The following OPCML variants were observed in gnomAD, a reference collection of about 807,000 sequenced individuals.
OPCML encodes the protein opioid-binding protein/cell adhesion molecule.
A neutral mutation model predicts 37.8 loss-of-function variants in OPCML; 13 were observed. The ratio of observed to expected loss-of-function variants is 0.34; its 90% CI spans 0.22 to 0.55. OPCML has a LOEUF of 0.55. Among genes scored for constraint, OPCML ranks in the 20% least tolerant of loss-of-function variants. The pLI is 0.91. For synonymous variants in OPCML, 176 were observed against 168.8 expected, an observed-to-expected ratio of 1.04 and a Z score of -0.33; for missense variants, 341 against 435.6, an observed-to-expected ratio of 0.78 and a Z score of 1.93.
At chr11:132,628,150 T>G (rs891234500) in intron 3 of OPCML, among the ~76,000 whole-genome samples, 1 of 151,152 alleles carries the variant, frequency 6.6e-6, no homozygotes, top group African/African-American at 2.4e-5. Flanking sequence ...GCCAGGAAGG[T>G]GAGATGGGAG....
intron 1 of OPCML, among the ~76,000 whole-genome samples, chr11:133,232,617 GACACAGC>G (rs1940328299): frequency 6.6e-6 from 1 of 152,094 alleles, no homozygotes; most frequent in Non-Finnish European, 1.5e-5. Flanking sequence ...CCTGTTATGT[GACACAGC>G]ACATGCACAC....
intron 1 of OPCML, among the ~76,000 whole-genome samples, chr11:133,080,051 T>C (rs1027004097): frequency 6.6e-6 from 1 of 152,152 alleles, no homozygotes; most frequent in African/African-American, 2.4e-5. Flanking sequence ...AACAGAGCAA[T>C]GACCAGAGAA....
At chr11:132,841,943 G>A (rs1312558364) in intron 2 of OPCML, among the ~76,000 whole-genome samples, 1 of 144,106 alleles carries the variant, frequency 6.9e-6, no homozygotes, top group Non-Finnish European at 1.5e-5. Context: ...TATGGTCTTA[G>A]TTAGACCCAG....
chr11:133,478,832 A>ATTT (rs11409105), intron 1 of OPCML, among the ~76,000 whole-genome samples: 1 of 146,320 alleles, frequency 6.8e-6, no homozygotes, highest in African/African-American at 2.5e-5. Context: ...TGCTGTAACC[A>ATTT]TTTTTTTTTT....
intron 3 of OPCML, among the ~76,000 whole-genome samples, chr11:132,639,249 T>C (rs1162904996): frequency 6.6e-6 from 1 of 152,164 alleles, no homozygotes; most frequent in Admixed American, 6.5e-5. Flanking sequence ...ATTTACTAAA[T>C]GAGAGAAGCT....
chr11:132,942,888 C>T, intron 2 of OPCML, 38 bp downstream of exon 2: 1 of 1,418,646 alleles, frequency 7.0e-7, no homozygotes, highest in Non-Finnish European at 9.6e-7. Flanking sequence ...GCGACCACAG[C>T]CCAGGGGCTC....
In OPCML at chr11:133,437,447, C is replaced by A. The variant is rs1946257814; in HGVS notation, c.61+94817G>T. On this transcript the variant is annotated intron_variant, in intron 1 of 7. Coordinates refer to ENST00000524381, the MANE Select transcript of OPCML (RefSeq NM_001012393.5). ...AGCATCATGTGCACTTGGGAAATTG[C>A]AGGTCCTTTCATGGAGAAATCCCAC... is the stretch of plus-strand genomic sequence containing the variant. Among the ~76,000 whole-genome samples the A allele has an allele frequency of 3.9e-5, 6 of 152,144 alleles. No homozygotes were observed. The South Asian group carries it at 1.2e-3, about 31-fold the overall frequency.
In OPCML at chr11:132,529,761, C is replaced by T. The variant is rs189460542; in HGVS notation, c.380-575G>A. ...TCCCCAATCATCCCTTAAGACACAT[C>T]CTTTAAAACTCAGTGAAATTTTCTG... On this transcript the variant is annotated intron_variant, in intron 3 of 7. Transcript: ENST00000524381. Among the ~76,000 whole-genome samples, 4 of 152,260 alleles carry T rather than the reference C, an allele frequency of 2.6e-5. No individual in the cohort carries two copies. In the East Asian group the frequency reaches 7.7e-4, roughly 29 times the overall value.
intron 2 of OPCML, among the ~76,000 whole-genome samples, chr11:132,785,854 C>A (rs533670331): frequency 3.9e-5 from 6 of 152,276 alleles, no homozygotes; most frequent in African/African-American, 1.2e-4. Flanking sequence ...TTCCAGATAT[C>A]CAGGTGACCA....
intron 2 of OPCML, among the ~76,000 whole-genome samples, chr11:132,864,227 C>T (rs970891759): frequency 5.3e-5 from 8 of 152,152 alleles, no homozygotes; most frequent in African/African-American, 1.2e-4. Context: ...CATGAGCCAC[C>T]GCACCCAGCC....
intron 1 of OPCML, among the ~76,000 whole-genome samples, chr11:133,434,684 GA>G (rs1397902395): frequency 1.3e-5 from 2 of 151,130 alleles, no homozygotes; most frequent in East Asian, 1.9e-4. Context: ...ATGGGAGGGG[GA>G]AAAAGTTTCT....
At chr11:133,369,570 A>G (rs1944627466) in intron 1 of OPCML, among the ~76,000 whole-genome samples, 1 of 152,206 alleles carries the variant, frequency 6.6e-6, no homozygotes, top group Admixed American at 6.5e-5. Context: ...TTTCATCATG[A>G]CATAAGATAT....
At chr11:133,430,663 G>GCTGAAA (rs540394772) in intron 1 of OPCML, among the ~76,000 whole-genome samples, 65 of 152,260 alleles carry the variant, frequency 4.3e-4, no homozygotes, top group Non-Finnish European at 8.2e-4. Context: ...ACCGTCCAAT[G>GCTGAAA]CATTTAGAGA....
rs897392679 is a variant in OPCML at position 132,605,780 on chromosome 11, G to T, written c.379+51307C>A. ...AGACCACAACCTCCTTGAGAACACA[G>T]GTTTGTCCATGTCCAATCTACATAG... On this transcript the variant is annotated intron_variant, in intron 3 of 7. Coordinates refer to ENST00000524381, the MANE Select transcript of OPCML (RefSeq NM_001012393.5). 2.0e-5 allele frequency among the ~76,000 whole-genome samples: 3 copies of T among 152,096 alleles called. No individual in the cohort carries two copies. In the East Asian group the frequency reaches 5.8e-4, roughly 29 times the overall value.
intron 1 of OPCML, among the ~76,000 whole-genome samples, chr11:133,002,447 G>A (rs777055243): frequency 1.1e-4 from 17 of 152,160 alleles, no homozygotes; most frequent in Non-Finnish European, 2.2e-4. Flanking sequence ...CTGTCTCACC[G>A]CTTACATCCA....
intron 4 of OPCML, among the ~76,000 whole-genome samples, chr11:132,508,405 T>C (rs2096261968): frequency 6.6e-6 from 1 of 152,188 alleles, no homozygotes; most frequent in South Asian, 2.1e-4. Context: ...GCAAGGTTGG[T>C]CTACCATTAA....
intron 1 of OPCML, among the ~76,000 whole-genome samples, chr11:133,100,282 A>G (rs1239506476): frequency 6.6e-6 from 1 of 152,216 alleles, no homozygotes; most frequent in African/African-American, 2.4e-5. Flanking sequence ...CAATTTACGC[A>G]TGTAAAAAAT....
intron 3 of OPCML, among the ~76,000 whole-genome samples, chr11:132,551,742 A>C (rs944836795): frequency 1.3e-5 from 2 of 152,068 alleles, no homozygotes; most frequent in Admixed American, 1.3e-4. Context: ...CTCTCAACTC[A>C]CTGGCCTTCT....
chr11:133,390,519 A>G (rs1945153526), intron 1 of OPCML, among the ~76,000 whole-genome samples: 1 of 152,166 alleles, frequency 6.6e-6, no homozygotes, highest in Non-Finnish European at 1.5e-5. Context: ...CTGAAGAAAA[A>G]TAGGTGTCAA....
Sources: allele counts gnomAD v4.1 joint callset (sites outside exome capture counted in the v4.1 genomes callset), GRCh38; gene constraint gnomAD v4.1.1; transcripts MANE v1.5; gene names NCBI Gene and HGNC (gene_info 2026-07-23, HGNC 2026-07-21).